HEATR5B: variants seen among roughly 807,000 people sequenced by gnomAD.
The protein encoded by HEATR5B is HEAT repeat-containing protein 5B.
In HEATR5B, 156 loss-of-function variants were observed where a neutral mutation model predicts 224.1. The observed-to-expected ratio is 0.70, with a 90% CI of 0.61 to 0.80. The LOEUF is 0.80. HEATR5B is among the 30% of genes least tolerant of loss of function. The pLI is 0.00. For synonymous variants in HEATR5B, 1,027 were observed against 893.0 expected (o/e 1.15, Z -2.68); for missense variants, 2,323 against 2,535.5 (o/e 0.92, Z 1.80).
intron 32 of HEATR5B, 22 bp from the exon 33 acceptor site, chr2:37,000,835 T>G: frequency 2.0e-6 from 3 of 1,479,874 alleles, no homozygotes; most frequent in Non-Finnish European, 2.8e-6. Context: ...ACAAATCAGA[T>G]CACCTCATAA....
intron 24 of HEATR5B, among the ~76,000 whole-genome samples, chr2:37,022,446 G>A (rs1299622195): frequency 6.6e-6 from 1 of 152,098 alleles, no homozygotes; most frequent in Non-Finnish European, 1.5e-5. Context: ...CAAAGTGCTG[G>A]GATAACAGGC....
chr2:37,075,034 C>T (rs1193017916), intron 5 of HEATR5B, among the ~76,000 whole-genome samples: 1 of 152,222 alleles, frequency 6.6e-6, no homozygotes. Context: ...ACTAAATCTG[C>T]CCTATGAACC....
At chr2:37,039,823 C>G (rs1254073999) in intron 20 of HEATR5B, among the ~76,000 whole-genome samples, 1 of 152,198 alleles carries the variant, frequency 6.6e-6, no homozygotes, top group Non-Finnish European at 1.5e-5. Context: ...ATGTGCCACT[C>G]ATAAGTTGAC....
chr2:37,058,388 C>T, intron 14 of HEATR5B, 63 bp downstream of exon 14: 1 of 925,922 alleles, frequency 1.1e-6, no homozygotes, highest in Non-Finnish European at 1.8e-6. Flanking sequence ...TGTCAAGACT[C>T]TATAATACGG....
chr2:37,047,593 T>C (rs1670284241), intron 18 of HEATR5B, among the ~76,000 whole-genome samples: 1 of 152,242 alleles, frequency 6.6e-6, no homozygotes, highest in African/African-American at 2.4e-5. Context: ...TTTTTATTTT[T>C]ATCCAAACTG....
intron 21 of HEATR5B, among the ~76,000 whole-genome samples, chr2:37,033,023 G>A (rs2148475312): frequency 6.6e-6 from 1 of 152,010 alleles, no homozygotes; most frequent in South Asian, 2.1e-4. Flanking sequence ...TGGGATTACA[G>A]GTGCCTGCCA....
chr2:37,052,128 T>C (rs1301630987), intron 17 of HEATR5B, among the ~76,000 whole-genome samples: 2 of 152,220 alleles, frequency 1.3e-5, no homozygotes, highest in Admixed American at 6.5e-5. Flanking sequence ...CTAAGACATG[T>C]TCATGCAAAC....
intron 16 of HEATR5B, chr2:37,054,997 C>T (rs933261218): frequency 3.8e-6 from 1 of 262,728 alleles, no homozygotes; most frequent in Non-Finnish European, 8.0e-6. Flanking sequence ...TTATTCAAAA[C>T]TCATATGAAG....
chr2:37,059,404 ATATGTGTGTGTGTG>A (rs1260339234), intron 12 of HEATR5B, among the ~76,000 whole-genome samples: 6 of 106,976 alleles, frequency 5.6e-5, no homozygotes, highest in African/African-American at 2.0e-4. Flanking sequence ...ATATATATGT[ATATGTGTGTGTGTG>A]TGTGTGTGTG....
At chr2:36,990,065 C>G (rs1666221962) in intron 34 of HEATR5B, among the ~76,000 whole-genome samples, 1 of 151,950 alleles carries the variant, frequency 6.6e-6, no homozygotes, top group Admixed American at 6.5e-5. Context: ...CCACACCTGG[C>G]TATTTTTTTT....
At chr2:37,019,964 T>A in intron 25 of HEATR5B, 87 bp from the exon 26 acceptor site, 1 of 906,770 alleles carries the variant, frequency 1.1e-6, no homozygotes, top group Non-Finnish European at 1.7e-6. Flanking sequence ...AGTGCAGTGG[T>A]GCGATCTCGG....
At position 37,068,951 on chromosome 2, in the gene HEATR5B, G is replaced by C. The variant is rs371829666; in HGVS notation, c.928-21C>G. The C allele has an allele frequency of 3.7e-4, 586 of 1,603,598 alleles. 1 individual carries two copies. The highest frequency in any genetic ancestry group is 4.8e-4 in the Non-Finnish European group (566 of 1,172,548). ...TACGCCTGTAAAAAGAGGAAGGTAC[G>C]ACTTCAGATACACTTACATAACTGA... is the stretch of plus-strand genomic sequence containing the variant. On this transcript the variant is annotated intron_variant, in intron 7 of 35. Coordinates refer to ENST00000233099, the MANE Select transcript of HEATR5B (RefSeq NM_019024.3).
chr2:36,993,122 T>C (rs969016666), intron 33 of HEATR5B, among the ~76,000 whole-genome samples: 1 of 152,108 alleles, frequency 6.6e-6, no homozygotes, highest in African/African-American at 2.4e-5. Flanking sequence ...GGGCTGATTC[T>C]AGAACAGTGA....
rs1672277927 is a variant in HEATR5B, at chr2:37,077,021, T to C, written c.339-2A>G. The C allele has an allele frequency of 6.2e-7, 1 of 1,608,900 alleles. No individual in the cohort carries two copies. Among genetic ancestry groups the C allele is most frequent in the Non-Finnish European group, 8.5e-7 (1 of 1,175,958 alleles). Reference sequence around the variant, plus strand: ...GCTCCGACACAAGCCACCGCAGCCCTGTAAGAAGTGACAACTTCACTAGTC... The same window carrying C: ...GCTCCGACACAAGCCACCGCAGCCCCGTAAGAAGTGACAACTTCACTAGTC... On this transcript the variant is annotated splice_acceptor_variant, in intron 3 of 35. Transcript: ENST00000233099. LOFTEE classifies it high-confidence loss of function.
chr2:37,081,864 G>A (rs1672590847), intron 2 of HEATR5B, among the ~76,000 whole-genome samples: 1 of 150,716 alleles, frequency 6.6e-6, no homozygotes, highest in African/African-American at 2.4e-5. Flanking sequence ...CTTCAGACAC[G>A]ACAGTAGAAA....
rs1443275227 is a variant in HEATR5B at position 37,071,044 on chromosome 2, T to C, written c.770-657A>G. On this transcript the variant is annotated intron_variant, in intron 6 of 35. Transcript: ENST00000233099. ...TCTATAAAATAGTAGTAACAGTCCA[T>C]ATAATTCACAAGGGCTTTTATGAGG... is the stretch of plus-strand genomic sequence containing the variant. Among the ~76,000 whole-genome samples, 4 of 152,320 alleles carry C rather than the reference T, an allele frequency of 2.6e-5. No homozygotes were observed. In the South Asian group the frequency reaches 6.2e-4, roughly 24 times the overall value.
chr2:37,072,435 A>G (rs1671961783), intron 5 of HEATR5B, among the ~76,000 whole-genome samples, 154 bp from the exon 6 acceptor site: 2 of 152,346 alleles, frequency 1.3e-5, no homozygotes, highest in Non-Finnish European at 2.9e-5. Context: ...ACATCAGGCA[A>G]TGAAGCATCT....
Position 37,058,409 on chromosome 2 carries a change from T to A in HEATR5B, c.2059+42A>T, listed in dbSNP as rs375315321. The A allele has an allele frequency of 1.3e-5, 16 of 1,186,400 alleles. No individual in the cohort carries two copies. In the African/African-American group the frequency reaches 1.5e-4, roughly 11 times the overall value. The allele number at this position is 1,186,400 out of a possible 1,614,324, so 73.5% of individuals were successfully genotyped here. A position where few individuals can be genotyped will look rare whatever the true frequency, so the allele number is the denominator to read the frequency against. ...GACTCTATAATACGGTGAAGAATTGTAAAGAAAAATTTTTATCAGATACCA... is the reference window on the plus strand; with the variant it reads ...GACTCTATAATACGGTGAAGAATTGAAAAGAAAAATTTTTATCAGATACCA... On this transcript the variant is annotated intron_variant, in intron 14 of 35. Coordinates refer to ENST00000233099, the MANE Select transcript of HEATR5B (RefSeq NM_019024.3).
At chr2:37,067,957 T>C (rs1332884812) in intron 8 of HEATR5B, among the ~76,000 whole-genome samples, 5 of 152,174 alleles carry the variant, frequency 3.3e-5, no homozygotes, top group Admixed American at 6.5e-5. Context: ...TATTAGTCAA[T>C]ATAATTTCCC....
Sources: allele counts gnomAD v4.1 joint callset (sites outside exome capture counted in the v4.1 genomes callset), GRCh38; gene constraint gnomAD v4.1.1; transcripts MANE v1.5; gene names NCBI Gene and HGNC (gene_info 2026-07-23, HGNC 2026-07-21).